CAMTA1: variants seen among roughly 807,000 people sequenced by gnomAD.
The protein encoded by CAMTA1 is calmodulin binding transcription activator 1.
CAMTA1 carries 27 observed loss-of-function variants against 170.9 expected under a neutral mutation model. The ratio of observed to expected loss-of-function variants is 0.16; its 90% CI spans 0.12 to 0.22. The LOEUF (loss-of-function observed/expected upper bound fraction) is 0.22. CAMTA1 is among the 10% of genes least tolerant of loss of function. The pLI, the probability that CAMTA1 is intolerant of heterozygous loss-of-function variation, is 1.00. For synonymous variants in CAMTA1, 833 were observed against 891.5 expected, an observed-to-expected ratio of 0.93 and a Z score of 1.17; for missense variants, 1,619 against 2,217.2, an observed-to-expected ratio of 0.73 and a Z score of 5.42.
chr1:7,011,425 G>A (rs547201208), intron 3 of CAMTA1, among the ~76,000 whole-genome samples: 1 of 152,064 alleles, frequency 6.6e-6, no homozygotes, highest in South Asian at 2.1e-4. Flanking sequence ...CAGCCCTGCC[G>A]GCATGCCCAT....
At chr1:7,343,125 A>C (rs2083960271) in intron 5 of CAMTA1, among the ~76,000 whole-genome samples, 2 of 152,238 alleles carry the variant, frequency 1.3e-5, no homozygotes, top group African/African-American at 4.8e-5. Context: ...CAGAGGTATA[A>C]TAAAACCCCA....
In CAMTA1 at chr1:6,820,234, C is replaced by T. The variant is rs778194473; in HGVS notation, c.99C>T (p.Thr33=). ...CGTSTYCVLN[T]VPPIEDDHGN... ...CTAGCACCTACTGTGTTCTCAACAC[C>T]GTGCCACCTATAGAAGGTAGGATTT... Residue 33 remains threonine, a synonymous_variant, in exon 2 of 23, where the codon ACC becomes ACT. Transcript: ENST00000303635. The T allele has an allele frequency of 3.1e-6, 5 of 1,613,842 alleles. No homozygotes were observed. Among genetic ancestry groups the T allele is most frequent in the South Asian group, 1.1e-5 (1 of 91,074 alleles).
intron 3 of CAMTA1, among the ~76,000 whole-genome samples, chr1:7,085,762 C>T (rs1294777279): frequency 1.3e-5 from 2 of 152,254 alleles, no homozygotes. Context: ...ACCCTCCAGC[C>T]CTGCTGGCTC....
At chr1:7,314,427 C>T (rs907439835) in intron 5 of CAMTA1, among the ~76,000 whole-genome samples, 2 of 152,196 alleles carry the variant, frequency 1.3e-5, no homozygotes, top group Non-Finnish European at 2.9e-5. Flanking sequence ...TCAAATGTAT[C>T]CTTGTGGGTG....
chr1:7,240,009 C>G (rs1308254141), intron 4 of CAMTA1, among the ~76,000 whole-genome samples: 1 of 152,160 alleles, frequency 6.6e-6, no homozygotes, highest in African/African-American at 2.4e-5. Context: ...TTAGGCCTGA[C>G]CTCCCAACAG....
chr1:6,885,042 G>T (rs1463108134), intron 3 of CAMTA1, among the ~76,000 whole-genome samples: 2 of 152,160 alleles, frequency 1.3e-5, no homozygotes, highest in Non-Finnish European at 2.9e-5. Flanking sequence ...GAAGTGTATG[G>T]ATACCAAGAA....
intron 1 of CAMTA1, among the ~76,000 whole-genome samples, chr1:6,811,289 C>G (rs1166935104): frequency 6.6e-6 from 1 of 152,094 alleles, no homozygotes; most frequent in East Asian, 1.9e-4. Flanking sequence ...ACGGTGCTAC[C>G]TTTTTCTCTA....
At chr1:7,246,729 C>G (rs111779586) in intron 4 of CAMTA1, among the ~76,000 whole-genome samples, 1 of 135,400 alleles carries the variant, frequency 7.4e-6, no homozygotes, top group Non-Finnish European at 1.5e-5. Flanking sequence ...TGCCGTGGCA[C>G]GATCTCAGCT....
At chr1:6,821,194 C>T (rs928121456) in intron 2 of CAMTA1, among the ~76,000 whole-genome samples, 1 of 152,094 alleles carries the variant, frequency 6.6e-6, no homozygotes, top group South Asian at 2.1e-4. Flanking sequence ...GTTTCTTTAA[C>T]CTTTTAAAAA....
intron 11 of CAMTA1, among the ~76,000 whole-genome samples, chr1:7,702,144 C>T (rs937576621): frequency 2.0e-5 from 3 of 152,108 alleles, no homozygotes; most frequent in African/African-American, 7.2e-5. Flanking sequence ...AACGTCACCC[C>T]AGGCTCCTGA....
At chr1:6,993,347 C>G (rs1184571895) in intron 3 of CAMTA1, among the ~76,000 whole-genome samples, 1 of 152,136 alleles carries the variant, frequency 6.6e-6, no homozygotes, top group Non-Finnish European at 1.5e-5. Flanking sequence ...GGTGGTATAT[C>G]TCTTATTTAG....
chr1:7,653,962 C>T (rs755023453), intron 7 of CAMTA1, among the ~76,000 whole-genome samples: 1 of 152,186 alleles, frequency 6.6e-6, no homozygotes, highest in Non-Finnish European at 1.5e-5. Flanking sequence ...CCCACGAGGG[C>T]CCCTTAGGAC....
intron 6 of CAMTA1, among the ~76,000 whole-genome samples, chr1:7,553,238 A>C (rs113124108): frequency 1.4e-5 from 1 of 71,752 alleles, no homozygotes; most frequent in Non-Finnish European, 4.2e-5. Context: ...TGAGGGAATG[A>C]ATGAATGAGG....
At chr1:7,009,850 C>T (rs560438822) in intron 3 of CAMTA1, among the ~76,000 whole-genome samples, 54 of 152,350 alleles carry the variant, frequency 3.5e-4, no homozygotes, top group African/African-American at 1.3e-3. Flanking sequence ...AGCCCTCTGT[C>T]ACTGCAGCAT....
intron 5 of CAMTA1, among the ~76,000 whole-genome samples, chr1:7,327,089 C>T (rs915268930): frequency 2.6e-5 from 4 of 151,658 alleles, no homozygotes; most frequent in South Asian, 2.1e-4. Flanking sequence ...AGTGGATAGG[C>T]GGGGGGGAAA....
chr1:7,155,138 T>C (rs1573509301), intron 4 of CAMTA1, among the ~76,000 whole-genome samples: 1 of 151,790 alleles, frequency 6.6e-6, no homozygotes, highest in South Asian at 2.1e-4. Flanking sequence ...GAGAGGTCCC[T>C]GGGAAGCCTG....
chr1:6,805,340 A>G (rs375739758), intron 1 of CAMTA1, among the ~76,000 whole-genome samples: 3 of 152,222 alleles, frequency 2.0e-5, no homozygotes, highest in African/African-American at 7.2e-5. Context: ...ACAAATGTCT[A>G]TTCAAATCCT....
intron 3 of CAMTA1, among the ~76,000 whole-genome samples, chr1:6,945,218 T>C (rs1278309246): frequency 6.6e-6 from 1 of 152,236 alleles, no homozygotes; most frequent in African/African-American, 2.4e-5. Flanking sequence ...AATTCACCCA[T>C]TAAAATGTAT....
chr1:7,149,224 G>T (rs1379123220), intron 4 of CAMTA1, among the ~76,000 whole-genome samples: 3 of 152,210 alleles, frequency 2.0e-5, no homozygotes, highest in Non-Finnish European at 4.4e-5. Context: ...TCCCTTCTGC[G>T]CTTGGGAGGG....
Sources: gnomAD v4.1 joint callset for allele counts (sites outside exome capture counted in the v4.1 genomes callset) on GRCh38, gnomAD v4.1.1 for gene constraint, MANE v1.5 for transcripts, NCBI Gene and HGNC (gene_info 2026-07-23, HGNC 2026-07-21) for gene names.